Variants in MMP16 observed in about 807,000 individuals in gnomAD.
MMP16 encodes the protein matrix metalloproteinase-16.
A neutral mutation model predicts 67.8 loss-of-function variants in MMP16; 12 were observed. The ratio of observed to expected loss-of-function variants is 0.18; its 90% confidence interval spans 0.11 to 0.29. The LOEUF (loss-of-function observed/expected upper bound fraction) is 0.29. Among genes scored for constraint, MMP16 ranks in the 10% least tolerant of loss-of-function variants. The pLI, the probability that MMP16 is intolerant of heterozygous loss-of-function variation, is 1.00. For missense variants in MMP16, 475 were observed against 765.7 expected (o/e 0.62, Z 4.48); for synonymous variants, 249 against 255.9 (o/e 0.97, Z 0.26).
chr8:88,214,794 C>T (rs1809563405), intron 1 of MMP16, among the ~76,000 whole-genome samples: 1 of 152,114 alleles, frequency 6.6e-6, no homozygotes, highest in Admixed American at 6.5e-5. Context: ...CCTTTTTAAA[C>T]TGAGAAACAG....
chr8:88,272,230 G>A (rs1810575259), intron 1 of MMP16, among the ~76,000 whole-genome samples: 2 of 152,042 alleles, frequency 1.3e-5, no homozygotes, highest in Non-Finnish European at 2.9e-5. Flanking sequence ...CATATTGGGA[G>A]TCACATTATC....
At chr8:88,158,457 T>A (rs1417169329) in intron 4 of MMP16, among the ~76,000 whole-genome samples, 1 of 152,372 alleles carries the variant, frequency 6.6e-6, no homozygotes, top group South Asian at 2.1e-4. Context: ...GTTGGCTGCA[T>A]AAATGTCTTC....
chr8:88,187,087 GT>G (rs1433105572), intron 2 of MMP16, among the ~76,000 whole-genome samples: 2 of 152,128 alleles, frequency 1.3e-5, no homozygotes, highest in Non-Finnish European at 2.9e-5. Flanking sequence ...GCAGTCAACT[GT>G]TTGTTCAAAT....
chr8:88,041,837 G>C lies in MMP16; in HGVS notation c.1490-42C>G. ...ACACACACACAGGTACCACTTATTTGTGACAGTGTATATGTAGAGAAATGT... is the reference window on the plus strand; with the variant it reads ...ACACACACACAGGTACCACTTATTTCTGACAGTGTATATGTAGAGAAATGT... On this transcript the variant is annotated intron_variant, in intron 9 of 9. Coordinates refer to ENST00000286614, the MANE Select transcript of MMP16 (RefSeq NM_005941.5). The surrounding 1 kb of genome is among the most constrained non-coding windows in gnomAD (Gnocchi z 6.0). 5 of 1,430,942 alleles carry C rather than the reference G, an allele frequency of 3.5e-6. No homozygotes were observed. The highest frequency in any genetic ancestry group is 4.8e-6 in the Non-Finnish European group (5 of 1,033,522). The allele number at this position is 1,430,942 out of a possible 1,614,324, so 88.6% of individuals were successfully genotyped here. A position where few individuals can be genotyped will look rare whatever the true frequency, so the allele number is the denominator to read the frequency against.
chr8:88,055,907 G>A (rs1808326594), intron 8 of MMP16, among the ~76,000 whole-genome samples: 1 of 152,024 alleles, frequency 6.6e-6, no homozygotes, highest in Non-Finnish European at 1.5e-5. Flanking sequence ...AAAAACATAT[G>A]CTAGGTATAC....
At chr8:88,208,170 T>A (rs1009618305) in intron 1 of MMP16, among the ~76,000 whole-genome samples, 1 of 74,748 alleles carries the variant, frequency 1.3e-5, no homozygotes, top group African/African-American at 4.7e-5. Flanking sequence ...AGAACATTCA[T>A]GAGTAAGGAA....
intron 1 of MMP16, among the ~76,000 whole-genome samples, chr8:88,307,530 A>C (rs1310511402): frequency 6.6e-6 from 1 of 152,038 alleles, no homozygotes; most frequent in African/African-American, 2.4e-5. Context: ...CATCAATCTT[A>C]ATTTAATAGC....
At chr8:88,166,688 CATATATATAT>C (rs1166566212) in intron 4 of MMP16, among the ~76,000 whole-genome samples, 6,741 of 58,424 alleles carry the variant, frequency 0.12, 335 homozygotes, top group Middle Eastern at 0.18. Flanking sequence ...CAAAAAATTA[CATATATATAT>C]ATATATATAT....
At chr8:88,085,051 C>T (rs1228408398) in intron 6 of MMP16, among the ~76,000 whole-genome samples, 1 of 79,494 alleles carries the variant, frequency 1.3e-5, no homozygotes, top group African/African-American at 5.0e-5. Context: ...TGTAAGATCA[C>T]ATATTGTGAT....
chr8:88,185,407 T>C (rs939601987), intron 3 of MMP16, among the ~76,000 whole-genome samples: 2 of 151,844 alleles, frequency 1.3e-5, no homozygotes, highest in Non-Finnish European at 2.9e-5. Flanking sequence ...TGCAGTGAGC[T>C]GAGATCGTGC....
intron 6 of MMP16, among the ~76,000 whole-genome samples, chr8:88,097,020 C>G (rs1200513058): frequency 6.6e-6 from 1 of 151,870 alleles, no homozygotes; most frequent in Admixed American, 6.6e-5. Flanking sequence ...TGCTTTTCCA[C>G]TGTAGGTTTT....
At chr8:88,184,136 A>G (rs1372557027) in intron 3 of MMP16, among the ~76,000 whole-genome samples, 2 of 152,164 alleles carry the variant, frequency 1.3e-5, no homozygotes, top group African/African-American at 4.8e-5. Context: ...AGGTAATAGT[A>G]TGCAGTTTAT....
At chr8:88,164,975 C>G (rs541539557) in intron 4 of MMP16, among the ~76,000 whole-genome samples, 2 of 151,690 alleles carry the variant, frequency 1.3e-5, no homozygotes, top group Non-Finnish European at 2.9e-5. Flanking sequence ...ACACTCAAAT[C>G]AGTGTAAACA....
intron 4 of MMP16, among the ~76,000 whole-genome samples, chr8:88,164,279 G>A (rs1250647936): frequency 6.6e-6 from 1 of 151,946 alleles, no homozygotes; most frequent in Non-Finnish European, 1.5e-5. Context: ...AGGTAAGTAA[G>A]CCAGGGGGCA....
intron 7 of MMP16, among the ~76,000 whole-genome samples, chr8:88,060,479 C>A (rs148909500): frequency 6.6e-6 from 1 of 152,150 alleles, no homozygotes; most frequent in East Asian, 1.9e-4. Context: ...GGATAAAACC[C>A]AAATTCATTA....
chr8:88,321,496 T>C (rs1314051717), intron 1 of MMP16, among the ~76,000 whole-genome samples: 1 of 152,192 alleles, frequency 6.6e-6, no homozygotes, highest in Non-Finnish European at 1.5e-5. Flanking sequence ...TAAAATTACG[T>C]ATCATTTGCT....
chr8:88,179,213 G>C (rs1050795618), intron 3 of MMP16, among the ~76,000 whole-genome samples: 1 of 151,954 alleles, frequency 6.6e-6, no homozygotes, highest in African/African-American at 2.4e-5. Context: ...CCAGAAGGGG[G>C]TAAAATACCT....
chr8:88,144,842 G>A (rs1435854861), intron 4 of MMP16, among the ~76,000 whole-genome samples: 1 of 151,930 alleles, frequency 6.6e-6, no homozygotes, highest in Non-Finnish European at 1.5e-5. Context: ...AAACCTGTAA[G>A]TGGTGAGTTT....
At chr8:88,201,906 G>A (rs577588264) in intron 1 of MMP16, among the ~76,000 whole-genome samples, 2 of 152,174 alleles carry the variant, frequency 1.3e-5, no homozygotes, top group South Asian at 4.2e-4. Context: ...AGGATTTGTG[G>A]CCTACATTTT....
Sources: allele counts gnomAD v4.1 joint callset (sites outside exome capture counted in the v4.1 genomes callset), GRCh38; gene constraint gnomAD v4.1.1; non-coding constraint Gnocchi (gnomAD v3.1); transcripts MANE v1.5; gene names NCBI Gene and HGNC (gene_info 2026-07-23, HGNC 2026-07-21).